Variants in CLEC3A observed in about 807,000 individuals in gnomAD.
CLEC3A encodes C-type lectin domain family 3 member A, also known as C-type (calcium dependent, carbohydrate-recognition domain) lectin, superfamily member 1 (cartilage-derived).
Under a neutral mutation model 20.4 loss-of-function variants are expected in CLEC3A, and 28 were observed. That is an observed-to-expected ratio of 1.37 (90% confidence interval 1.02 to 1.88). The LOEUF (loss-of-function observed/expected upper bound fraction) is 1.88, where lower values mean the gene tolerates loss of function less well. CLEC3A is among the 40% of genes most tolerant of loss of function. The pLI, the probability that CLEC3A is intolerant of heterozygous loss-of-function variation, is 0.00. For missense variants in CLEC3A, 357 were observed against 240.4 expected (o/e 1.48, Z -3.21); for synonymous variants, 110 against 88.1 (o/e 1.25, Z -1.39).
In CLEC3A at chr16:78,028,138, A is replaced by G; in HGVS notation, c.147A>G (p.Glu49=). 1 of 1,611,876 alleles carries G rather than the reference A, an allele frequency of 6.2e-7. No homozygotes were observed. ...ATGGAGATCTGAAGACTCAAATTGA[A>G]AAGCTCTGGACAGAAGTCAATGCCT... ...DKDGDLKTQI[E]KLWTEVNALK... is the part of the protein sequence containing the mutation. The change falls in exon 2 of 3, where the codon GAA becomes GAG. Residue 49 remains glutamate (E), a synonymous_variant. Transcript: ENST00000299642.
chr16:78,026,627 T>C (rs1441757500), intron 1 of CLEC3A, among the ~76,000 whole-genome samples: 1 of 152,236 alleles, frequency 6.6e-6, no homozygotes, highest in Non-Finnish European at 1.5e-5. Flanking sequence ...ACTGAAAGAA[T>C]TGATCTCTGA....
At chr16:78,023,217 G>T (rs576122134) in intron 1 of CLEC3A, among the ~76,000 whole-genome samples, 1 of 152,170 alleles carries the variant, frequency 6.6e-6, no homozygotes, top group Non-Finnish European at 1.5e-5. Flanking sequence ...GTGACTTCCT[G>T]TTTTGTCATT....
At chr16:78,027,324 A>C (rs1330101882) in intron 1 of CLEC3A, among the ~76,000 whole-genome samples, 2 of 152,258 alleles carry the variant, frequency 1.3e-5, no homozygotes, top group African/African-American at 4.8e-5. Context: ...AAGACAGATT[A>C]GCAGAAGGGA....
At position 78,031,019 on chromosome 16, in the gene CLEC3A, C is replaced by A; in HGVS notation, c.*178C>A. On this transcript the variant is annotated 3_prime_UTR_variant, in exon 3 of 3. Coordinates refer to ENST00000299642, the MANE Select transcript of CLEC3A (RefSeq NM_005752.6). ...TAACACATTTCTTTGGGATTTTGCC[C>A]TTCCTGGGGTATAGGGGATCAGAAA... 3.0e-6 allele frequency: 2 copies of A among 656,284 alleles called. No individual in the cohort carries two copies. The highest frequency in any genetic ancestry group is 1.8e-5 in the African/African-American group (1 of 54,856). The allele number at this position is 656,284 out of a possible 1,614,324, so 40.7% of individuals were successfully genotyped here.
chr16:78,024,451 C>A (rs542817519), intron 1 of CLEC3A, among the ~76,000 whole-genome samples: 3 of 152,200 alleles, frequency 2.0e-5, no homozygotes, highest in Non-Finnish European at 2.9e-5. Flanking sequence ...TTCTTTACCC[C>A]CTTCTTCCCC....
intron 1 of CLEC3A, among the ~76,000 whole-genome samples, chr16:78,024,555 T>C (rs928048163): frequency 6.6e-6 from 1 of 152,162 alleles, no homozygotes; most frequent in African/African-American, 2.4e-5. Context: ...TTAAATGTCA[T>C]TCCCCCAGTA....
chr16:78,030,701 C>T lies in CLEC3A; in HGVS notation c.454C>T (p.Leu152Phe). 6.2e-7 allele frequency: 1 copy of T among 1,614,160 alleles called. No homozygotes were observed. The highest frequency in any genetic ancestry group is 8.5e-7 in the Non-Finnish European group (1 of 1,180,036). Reference sequence around the variant, plus strand: ...CGTCAACGGAATCGCTATCTCCTTCCTCAACTGGGACCGTGCACAGCCTAA... The same window carrying T: ...CGTCAACGGAATCGCTATCTCCTTCTTCAACTGGGACCGTGCACAGCCTAA... ...VDVNGIAISFLNWDRAQPNGG... is the reference protein window; with the variant it reads ...VDVNGIAISFFNWDRAQPNGG... Residue 152 changes from leucine (L) to phenylalanine (F), a missense_variant, in exon 3 of 3, where the codon CTC (leucine) becomes TTC (phenylalanine). By Grantham distance (22) the Leu-to-Phe change is conservative. Transcript: ENST00000299642.
intron 1 of CLEC3A, among the ~76,000 whole-genome samples, chr16:78,027,780 C>T (rs1421578137): frequency 3.3e-5 from 5 of 152,112 alleles, no homozygotes; most frequent in African/African-American, 1.2e-4. Flanking sequence ...CTCAGCTTCC[C>T]AAATAGCTGG....
Position 78,031,705 on chromosome 16 carries a change from G to T in CLEC3A, c.*864G>T, listed in dbSNP as rs575761244. ...CTTACATTTCCTTTTTTACATTTTC[G>T]TATACTTATTTTTTTTAGCCATCAT... On this transcript the variant is annotated 3_prime_UTR_variant, in exon 3 of 3. Coordinates refer to ENST00000299642, the MANE Select transcript of CLEC3A (RefSeq NM_005752.6). 6.6e-6 allele frequency: 1 copy of T among 151,894 alleles called. No homozygotes were observed. Among genetic ancestry groups the T allele is most frequent in the Non-Finnish European group, 1.5e-5 (1 of 67,996 alleles). The allele number at this position is 151,894 out of a possible 1,614,324, so 9.4% of individuals were successfully genotyped here. A position where few individuals can be genotyped will look rare whatever the true frequency, so the allele number is the denominator to read the frequency against.
At chr16:78,029,360 AATTG>A (rs772536948) in intron 2 of CLEC3A, among the ~76,000 whole-genome samples, 38 of 152,198 alleles carry the variant, frequency 2.5e-4, no homozygotes, top group East Asian at 1.2e-3. Context: ...ACTAGAATTT[AATTG>A]ATTGATTGAT....
intron 1 of CLEC3A, among the ~76,000 whole-genome samples, chr16:78,027,375 G>A (rs1351397010): frequency 6.6e-6 from 1 of 152,178 alleles, no homozygotes; most frequent in African/African-American, 2.4e-5. Context: ...TCTCAGAAGA[G>A]GAGATATTTA....
intron 1 of CLEC3A, among the ~76,000 whole-genome samples, chr16:78,025,983 G>A (rs1042739134): frequency 2.0e-5 from 3 of 152,286 alleles, no homozygotes; most frequent in African/African-American, 7.2e-5. Context: ...CATTTTTAGA[G>A]GTGACAGCTT....
chr16:78,024,504 T>G (rs927628267), intron 1 of CLEC3A, among the ~76,000 whole-genome samples: 4 of 152,058 alleles, frequency 2.6e-5, no homozygotes, highest in Admixed American at 1.3e-4. Context: ...ATGCTTTTAT[T>G]TAAAAACAAA....
intron 1 of CLEC3A, among the ~76,000 whole-genome samples, chr16:78,024,592 G>T (rs555849081): frequency 9.3e-4 from 142 of 152,144 alleles, no homozygotes; most frequent in Non-Finnish European, 1.7e-3. Context: ...TTGCCATTAG[G>T]TCCTAGAAAG....
chr16:78,029,233 C>G, intron 2 of CLEC3A: 1 of 421,498 alleles, frequency 2.4e-6, no homozygotes, highest in South Asian at 1.8e-5. Flanking sequence ...TGAGGCCTGA[C>G]TCTCCAGTGC....
At chr16:78,029,275 A>G (rs1036685062) in intron 2 of CLEC3A, 19 of 338,816 alleles carry the variant, frequency 5.6e-5, no homozygotes, top group South Asian at 4.6e-4. Context: ...TGCTCAGTTT[A>G]TCCTGAATAA....
intron 2 of CLEC3A, chr16:78,029,200 C>G: frequency 4.4e-6 from 2 of 450,352 alleles, no homozygotes; most frequent in South Asian, 3.2e-5. Context: ...GAGATGAGAC[C>G]TAAACCCAGG....
Position 78,028,090 on chromosome 16 carries a change from C to T in CLEC3A, c.116-17C>T. On this transcript the variant is annotated splice_polypyrimidine_tract_variant and intron_variant, in intron 1 of 2. Coordinates refer to ENST00000299642, the MANE Select transcript of CLEC3A (RefSeq NM_005752.6). Reference sequence around the variant, plus strand: ...TTTTCATCCACCTACCCCATCCCACCCTAAAATTTTCCCCAGACAAGGATG... The same window carrying T: ...TTTTCATCCACCTACCCCATCCCACTCTAAAATTTTCCCCAGACAAGGATG... 6.3e-7 allele frequency: 1 copy of T among 1,586,766 alleles called. No individual in the cohort carries two copies. The highest frequency in any genetic ancestry group is 8.6e-7 in the Non-Finnish European group (1 of 1,159,904).
chr16:78,023,713 T>C (rs918599444), intron 1 of CLEC3A, among the ~76,000 whole-genome samples: 1 of 152,006 alleles, frequency 6.6e-6, no homozygotes, highest in East Asian at 1.9e-4. Context: ...GTACCATTTT[T>C]TCAGGGACAT....
Sources: gnomAD v4.1 joint callset for allele counts (sites outside exome capture counted in the v4.1 genomes callset) on GRCh38, gnomAD v4.1.1 for gene constraint, MANE v1.5 for transcripts, NCBI Gene and HGNC (gene_info 2026-07-23, HGNC 2026-07-21) for gene names.